Variants in DOCK1 observed in about 807,000 individuals in gnomAD.
The protein encoded by DOCK1 is dedicator of cytokinesis 1.
In DOCK1, 138 loss-of-function variants were observed where a neutral mutation model predicts 262.7. That is an observed-to-expected ratio of 0.53 (90% CI 0.46 to 0.61). The LOEUF (loss-of-function observed/expected upper bound fraction) is 0.61, where lower values mean the gene tolerates loss of function less well. DOCK1 is among the 20% of genes least tolerant of loss of function. The pLI, the probability that DOCK1 is intolerant of heterozygous loss-of-function variation, is 0.00. For synonymous variants in DOCK1, 866 were observed against 867.4 expected, an observed-to-expected ratio of 1.00 and a Z score of 0.03; for missense variants, 1,908 against 2,370.7, an observed-to-expected ratio of 0.80 and a Z score of 4.05.
At chr10:127,093,219 T>TTTCTTTCTTTCTTTCTTTC (rs149382008) in intron 23 of DOCK1, among the ~76,000 whole-genome samples, 3 of 62,898 alleles carry the variant, frequency 4.8e-5, no homozygotes, top group African/African-American at 2.1e-4. Flanking sequence ...TCTTTCTTTC[T>TTTCTTTCTTTCTTTCTTTC]TTTCTTTCTT....
At chr10:127,184,464 T>A (rs1158793414) in intron 27 of DOCK1, among the ~76,000 whole-genome samples, 1 of 151,428 alleles carries the variant, frequency 6.6e-6, no homozygotes, top group East Asian at 1.9e-4. Context: ...TGCCCTCAGC[T>A]CTCCATTCCC....
intron 27 of DOCK1, among the ~76,000 whole-genome samples, chr10:127,240,271 C>CTTT (rs11377580): frequency 7.8e-4 from 112 of 143,550 alleles, no homozygotes; most frequent in South Asian, 1.1e-3. Flanking sequence ...ATAGTTTTGG[C>CTTT]TTTTTTTTTT....
intron 22 of DOCK1, among the ~76,000 whole-genome samples, chr10:127,053,491 C>T (rs368296434): frequency 4.6e-5 from 7 of 152,282 alleles, no homozygotes; most frequent in Admixed American, 1.3e-4. Context: ...AGGGTATTTC[C>T]GTGAGGAAGG....
At chr10:127,285,185 C>A (rs1170119165) in intron 29 of DOCK1, among the ~76,000 whole-genome samples, 1 of 152,144 alleles carries the variant, frequency 6.6e-6, no homozygotes. Flanking sequence ...TTTTACTATT[C>A]ATTTTCTGAT....
At chr10:127,421,951 C>T (rs1490234836) in intron 46 of DOCK1, among the ~76,000 whole-genome samples, 2 of 152,048 alleles carry the variant, frequency 1.3e-5, no homozygotes, top group African/African-American at 2.4e-5. Context: ...TGTATAAATA[C>T]CTGCTCAAGT....
At chr10:126,937,936 C>T (rs1393325853) in intron 1 of DOCK1, among the ~76,000 whole-genome samples, 3 of 152,034 alleles carry the variant, frequency 2.0e-5, no homozygotes, top group East Asian at 3.9e-4. Context: ...TCCAGTGCCT[C>T]GAAGTTTTTC....
At chr10:126,966,139 A>G (rs878975478) in intron 1 of DOCK1, among the ~76,000 whole-genome samples, 20,711 of 152,232 alleles carry the variant, frequency 0.14, 1,839 homozygotes, top group South Asian at 0.24. Flanking sequence ...TGTTCCTATC[A>G]TATTTCACTT....
At chr10:127,280,601 C>A (rs1198040890) in intron 29 of DOCK1, among the ~76,000 whole-genome samples, 13 of 152,130 alleles carry the variant, frequency 8.5e-5, no homozygotes, top group Admixed American at 8.5e-4. Flanking sequence ...AAGCACTTAG[C>A]CTCTTGCCGA....
intron 6 of DOCK1, among the ~76,000 whole-genome samples, chr10:126,996,428 T>C (rs1367063254): frequency 6.6e-6 from 1 of 151,370 alleles, no homozygotes; most frequent in Non-Finnish European, 1.5e-5. Flanking sequence ...TTTTCATATT[T>C]TACATAATAA....
At chr10:126,996,996 T>G (rs141096329) in intron 7 of DOCK1, 113 bp downstream of exon 7, 191 of 1,226,516 alleles carry the variant, frequency 1.6e-4, no homozygotes, top group Non-Finnish European at 2.0e-4. Flanking sequence ...TGAAAAGGAG[T>G]AGCTGCAGAG....
At chr10:127,192,056 G>A (rs2056792287) in intron 27 of DOCK1, among the ~76,000 whole-genome samples, 1 of 152,168 alleles carries the variant, frequency 6.6e-6, no homozygotes, top group Non-Finnish European at 1.5e-5. Flanking sequence ...ATTTTGATAT[G>A]GTGGGGTTTT....
At chr10:127,258,728 G>A (rs1008485708) in intron 29 of DOCK1, among the ~76,000 whole-genome samples, 2 of 152,218 alleles carry the variant, frequency 1.3e-5, no homozygotes, top group African/African-American at 4.8e-5. Flanking sequence ...ATCTATGGCT[G>A]TACCATTTTA....
chr10:127,316,715 T>C (rs1013115165), intron 29 of DOCK1, among the ~76,000 whole-genome samples: 15 of 152,154 alleles, frequency 9.9e-5, no homozygotes, highest in African/African-American at 3.6e-4. Context: ...TGAGCAGCAT[T>C]ATTCTGCAGG....
At chr10:127,340,374 G>C (rs950172781) in intron 30 of DOCK1, among the ~76,000 whole-genome samples, 1 of 152,062 alleles carries the variant, frequency 6.6e-6, no homozygotes, top group African/African-American at 2.4e-5. Flanking sequence ...CACGCTTTCA[G>C]CATTTATATG....
chr10:127,144,647 A>G (rs2051616817), intron 27 of DOCK1, among the ~76,000 whole-genome samples: 1 of 152,200 alleles, frequency 6.6e-6, no homozygotes, highest in South Asian at 2.1e-4. Context: ...AGAATTTGTT[A>G]TATACTATTT....
intron 28 of DOCK1, among the ~76,000 whole-genome samples, chr10:127,253,874 C>CCAAA (rs1554931830): frequency 9.9e-6 from 1 of 101,472 alleles, no homozygotes; most frequent in African/African-American, 3.6e-5. Flanking sequence ...GACCCTGTCT[C>CCAAA]AAAAAAAAAA....
chr10:126,922,293 A>G (rs2134113657), intron 1 of DOCK1, among the ~76,000 whole-genome samples: 1 of 151,176 alleles, frequency 6.6e-6, no homozygotes, highest in East Asian at 1.9e-4. Flanking sequence ...TGGTGCTGGC[A>G]TCTGCTTCTG....
rs115102472 is a variant in DOCK1 at position 127,307,041 on chromosome 10, A to G, written c.3045-31965A>G. ...AAATGTTTTCATTTTAGTAATGTTA[A>G]TTTGATAACTTCATTATATTACTTC... On this transcript the variant is annotated intron_variant, in intron 29 of 51. Transcript: ENST00000623213. Among the ~76,000 whole-genome samples the G allele has an allele frequency of 3.5e-3, 534 of 152,368 alleles. 1 individual carries two copies. Among genetic ancestry groups the G allele is most frequent in the African/African-American group, 0.011 (464 of 41,582 alleles).
chr10:127,106,446 G>GGT, intron 24 of DOCK1, 145 bp downstream of exon 24: 2 of 798,646 alleles, frequency 2.5e-6, no homozygotes, highest in Non-Finnish European at 3.9e-6. Context: ...TGTTGCTGGT[G>GGT]GTGTCTGTGA....
Sources: allele counts gnomAD v4.1 joint callset (sites outside exome capture counted in the v4.1 genomes callset), GRCh38; gene constraint gnomAD v4.1.1; transcripts MANE v1.5; gene names NCBI Gene and HGNC (gene_info 2026-07-23, HGNC 2026-07-21).